Variants in GRIA1 observed in about 807,000 individuals in gnomAD.
GRIA1 encodes the protein glutamate ionotropic receptor AMPA type subunit 1.
Under a neutral mutation model 99.2 loss-of-function variants are expected in GRIA1, and 31 were observed. The ratio of observed to expected loss-of-function variants is 0.31; its 90% confidence interval spans 0.23 to 0.42. The LOEUF is 0.42. Ranked by LOEUF, GRIA1 falls within the 10% of genes least tolerant of loss-of-function variation. GRIA1 has a pLI of 1.00. For synonymous variants in GRIA1, 438 were observed against 432.4 expected, an observed-to-expected ratio of 1.01 and a Z score of -0.16; for missense variants, 782 against 1,157.5, an observed-to-expected ratio of 0.68 and a Z score of 4.71.
chr5:153,548,522 G>A (rs895913178), intron 2 of GRIA1, among the ~76,000 whole-genome samples: 22 of 152,192 alleles, frequency 1.4e-4, no homozygotes, highest in African/African-American at 5.3e-4. Flanking sequence ...ATTCATATTA[G>A]TTTTCTCTAG....
intron 13 of GRIA1, among the ~76,000 whole-genome samples, chr5:153,792,558 G>A (rs1417212786): frequency 6.6e-6 from 1 of 152,192 alleles, no homozygotes; most frequent in Non-Finnish European, 1.5e-5. Flanking sequence ...GAGAAGTAGA[G>A]GAGACAAGAG....
intron 1 of GRIA1, chr5:153,491,369 A>G (rs1753901636): frequency 1.1e-6 from 1 of 944,108 alleles, no homozygotes; most frequent in Non-Finnish European, 1.3e-6. Context: ...CACGTGTGTG[A>G]TTATATATTA....
rs1227909532 is a variant in GRIA1, at chr5:153,548,033, TA to T, written c.220+53976del. On this transcript the variant is annotated intron_variant, in intron 2 of 15. Coordinates refer to ENST00000285900, the MANE Select transcript of GRIA1 (RefSeq NM_000827.4). ...CTTTTGGTAAATGAACCCCTTCTCATAAAAAAAATTTTTGTTGAAATATAAT... is the reference window on the plus strand; with the variant it reads ...CTTTTGGTAAATGAACCCCTTCTCATAAAAAAATTTTTGTTGAAATATAAT... 7.2e-5 allele frequency among the ~76,000 whole-genome samples: 11 copies of T among 152,262 alleles called. No homozygotes were observed. The East Asian group carries it at 1.7e-3, about 24-fold the overall frequency.
At chr5:153,502,323 T>C (rs1755079809) in intron 2 of GRIA1, among the ~76,000 whole-genome samples, 1 of 152,188 alleles carries the variant, frequency 6.6e-6, no homozygotes, top group Non-Finnish European at 1.5e-5. Context: ...AATGAAAGAA[T>C]AGATGGCAGT....
intron 13 of GRIA1, among the ~76,000 whole-genome samples, chr5:153,774,618 A>G (rs1764103241): frequency 1.3e-5 from 2 of 152,280 alleles, no homozygotes; most frequent in Non-Finnish European, 2.9e-5. Context: ...GTCCTCCTCC[A>G]CTACTTGCTC....
At chr5:153,664,079 G>A (rs995520248) in intron 5 of GRIA1, among the ~76,000 whole-genome samples, 1 of 152,204 alleles carries the variant, frequency 6.6e-6, no homozygotes, top group African/African-American at 2.4e-5. Flanking sequence ...CAGATGGTTG[G>A]TGAGCTATGT....
chr5:153,625,530 C>T (rs765557898), intron 2 of GRIA1, among the ~76,000 whole-genome samples: 11 of 152,122 alleles, frequency 7.2e-5, no homozygotes, highest in South Asian at 2.1e-4. Flanking sequence ...TCTGATACCA[C>T]GGCACTCACG....
chr5:153,498,923 T>A (rs889070256), intron 2 of GRIA1, among the ~76,000 whole-genome samples: 1 of 152,194 alleles, frequency 6.6e-6, no homozygotes, highest in Non-Finnish European at 1.5e-5. Context: ...AGTAGGCCAA[T>A]CTACTCATAC....
At chr5:153,622,308 G>A (rs986708230) in intron 2 of GRIA1, among the ~76,000 whole-genome samples, 5 of 152,150 alleles carry the variant, frequency 3.3e-5, no homozygotes, top group African/African-American at 4.8e-5. Context: ...GGAAAATCGT[G>A]GGGCCCCAGT....
chr5:153,609,295 A>G (rs1325634188), intron 2 of GRIA1, among the ~76,000 whole-genome samples: 2 of 152,136 alleles, frequency 1.3e-5, no homozygotes, highest in South Asian at 2.1e-4. Flanking sequence ...TACATCTTCA[A>G]GTAGATTTGT....
intron 2 of GRIA1, among the ~76,000 whole-genome samples, chr5:153,592,209 C>G (rs960005972): frequency 6.6e-6 from 1 of 152,234 alleles, no homozygotes; most frequent in African/African-American, 2.4e-5. Context: ...AAGCCATGGC[C>G]TGTTGTTTTT....
intron 2 of GRIA1, among the ~76,000 whole-genome samples, chr5:153,607,906 A>G (rs1274409788): frequency 2.6e-5 from 4 of 152,100 alleles, no homozygotes; most frequent in Non-Finnish European, 5.9e-5. Context: ...CATCTGGAAT[A>G]ATTTTCCTTC....
intron 7 of GRIA1, among the ~76,000 whole-genome samples, chr5:153,677,655 T>C (rs1373916233): frequency 1.3e-5 from 2 of 152,234 alleles, no homozygotes; most frequent in Non-Finnish European, 2.9e-5. Flanking sequence ...CACTTAAGAA[T>C]AGTTAAAGGG....
chr5:153,519,300 C>A (rs1181046134), intron 2 of GRIA1, among the ~76,000 whole-genome samples: 1 of 151,912 alleles, frequency 6.6e-6, no homozygotes, highest in East Asian at 1.9e-4. Flanking sequence ...ATTCGAGGGT[C>A]TCAGGCCGGA....
chr5:153,659,433 GC>G (rs1476528762), intron 5 of GRIA1, among the ~76,000 whole-genome samples: 2 of 152,138 alleles, frequency 1.3e-5, no homozygotes, highest in African/African-American at 4.8e-5. Context: ...CAAGTGCTGA[GC>G]CTGGCTGCCA....
In GRIA1 at chr5:153,743,994, A is replaced by G. The variant is rs896279509; in HGVS notation, c.1824-20440A>G. 4.6e-5 allele frequency among the ~76,000 whole-genome samples: 7 copies of G among 152,166 alleles called. No homozygotes were observed. The South Asian group carries it at 8.3e-4, about 18-fold the overall frequency. On this transcript the variant is annotated intron_variant, in intron 11 of 15. Coordinates refer to ENST00000285900, the MANE Select transcript of GRIA1 (RefSeq NM_000827.4). ...ACATAATATCATGTCCCAGCTAGGA[A>G]GGGCTGCTTCTCCTCTTTGAGAACT... is the stretch of plus-strand genomic sequence containing the variant.
intron 2 of GRIA1, among the ~76,000 whole-genome samples, chr5:153,526,620 T>C (rs752925005): frequency 3.3e-5 from 5 of 152,234 alleles, no homozygotes; most frequent in Non-Finnish European, 5.9e-5. Context: ...GGATGATACA[T>C]TGTGAATAAA....
chr5:153,564,909 T>A (rs6865676), intron 2 of GRIA1, among the ~76,000 whole-genome samples: 150,724 of 152,328 alleles, frequency 0.99, 74,598 homozygotes, highest in East Asian at 1. Flanking sequence ...AAATTATGCA[T>A]CAGCCTCTTC....
intron 13 of GRIA1, among the ~76,000 whole-genome samples, chr5:153,778,042 T>C (rs192263296): frequency 4.0e-5 from 6 of 151,710 alleles, no homozygotes; most frequent in African/African-American, 1.5e-4. Flanking sequence ...ATTTGCATCC[T>C]CAGAAGAGCT....
Sources: allele counts gnomAD v4.1 joint callset (sites outside exome capture counted in the v4.1 genomes callset), GRCh38; gene constraint gnomAD v4.1.1; transcripts MANE v1.5; gene names NCBI Gene and HGNC (gene_info 2026-07-23, HGNC 2026-07-21).